Variants in LOC400499 observed in about 807,000 individuals in gnomAD.
chr16:11,413,031 C>A, the LOC400499 span: 1 of 398,238 alleles, frequency 2.5e-6, no homozygotes, highest in South Asian at 1.3e-4. Context: ...GGACCCCAGC[C>A]GAGCTCTATA....
At chr16:11,513,470 C>T in the LOC400499 span, among the ~76,000 whole-genome samples, 21 of 151,666 alleles carry the variant, frequency 1.4e-4, no homozygotes, top group African/African-American at 3.6e-4. Context: ...CTTACTCTAT[C>T]GCCCAGGCTG....
chr16:11,394,031 C>G, the LOC400499 span, among the ~76,000 whole-genome samples: 1 of 152,226 alleles, frequency 6.6e-6, no homozygotes, highest in Non-Finnish European at 1.5e-5. Context: ...GAGATGGCTG[C>G]TGCCCAGGCC....
At chr16:11,390,629 T>A in the LOC400499 span, among the ~76,000 whole-genome samples, 1 of 151,424 alleles carries the variant, frequency 6.6e-6, no homozygotes, top group Non-Finnish European at 1.5e-5. Context: ...TGCAGGGGAG[T>A]TGTCACAGCA....
chr16:11,513,914 C>T, the LOC400499 span, among the ~76,000 whole-genome samples: 1 of 152,130 alleles, frequency 6.6e-6, no homozygotes, highest in African/African-American at 2.4e-5. Flanking sequence ...GGTTTCCAAA[C>T]ATGGAAAAGC....
At chr16:11,397,467 G>C in the LOC400499 span, among the ~76,000 whole-genome samples, 1 of 152,076 alleles carries the variant, frequency 6.6e-6, no homozygotes, top group African/African-American at 2.4e-5. Flanking sequence ...TAGAGAAGAG[G>C]TTTCACCATG....
chr16:11,478,216 C>G, the LOC400499 span, among the ~76,000 whole-genome samples: 1 of 150,452 alleles, frequency 6.6e-6, no homozygotes, highest in Non-Finnish European at 1.5e-5. Flanking sequence ...TCAGTAGAGA[C>G]AGGGTTTCGC....
chr16:11,401,494 G>A, the LOC400499 span: 91 of 399,002 alleles, frequency 2.3e-4, no homozygotes, highest in East Asian at 2.1e-3. Flanking sequence ...CTCCATCGAG[G>A]TCAAGGCTGC....
At chr16:11,479,603 A>T in the LOC400499 span, among the ~76,000 whole-genome samples, 1 of 152,134 alleles carries the variant, frequency 6.6e-6, no homozygotes, top group Non-Finnish European at 1.5e-5. Flanking sequence ...AGCCTGGACA[A>T]CAGACAGAGC....
At chr16:11,518,344 G>A in the LOC400499 span, among the ~76,000 whole-genome samples, 1 of 152,176 alleles carries the variant, frequency 6.6e-6, no homozygotes, top group Non-Finnish European at 1.5e-5. Flanking sequence ...AGGCCACCGA[G>A]GCCCTGTCAG....
At chr16:11,449,337 T>C in the LOC400499 span, among the ~76,000 whole-genome samples, 8 of 152,264 alleles carry the variant, frequency 5.3e-5, no homozygotes, top group Admixed American at 3.9e-4. Flanking sequence ...TGAGCAGAAA[T>C]AATTTCCTTT....
the LOC400499 span, among the ~76,000 whole-genome samples, chr16:11,498,619 C>G: frequency 6.6e-6 from 1 of 152,138 alleles, no homozygotes; most frequent in Admixed American, 6.5e-5. Context: ...TTCACGAACC[C>G]GGTGCATTCC....
At chr16:11,481,936 A>G in the LOC400499 span, among the ~76,000 whole-genome samples, 1 of 152,156 alleles carries the variant, frequency 6.6e-6, no homozygotes, top group South Asian at 2.1e-4. Flanking sequence ...TGCCCGGCCA[A>G]TTGCTCACGT....
the LOC400499 span, chr16:11,412,742 G>A: frequency 2.5e-6 from 1 of 397,042 alleles, no homozygotes; most frequent in Non-Finnish European, 4.4e-6. Flanking sequence ...GCAGTGCTGA[G>A]CAGAGAATTG....
chr16:11,488,539 C>G, the LOC400499 span, among the ~76,000 whole-genome samples: 3 of 152,130 alleles, frequency 2.0e-5, no homozygotes, highest in Admixed American at 2.0e-4. Flanking sequence ...CCTGCCTCAG[C>G]CTCCCAAAGT....
chr16:11,394,957 G>A, the LOC400499 span, among the ~76,000 whole-genome samples: 1 of 152,362 alleles, frequency 6.6e-6, no homozygotes, highest in East Asian at 1.9e-4. Flanking sequence ...GTAGTCCTAG[G>A]AATCGAATGC....
At chr16:11,489,406 C>G in the LOC400499 span, among the ~76,000 whole-genome samples, 16 of 152,274 alleles carry the variant, frequency 1.1e-4, no homozygotes, top group East Asian at 3.1e-3. Flanking sequence ...CCTAAAAAGA[C>G]TAAGCACATT....
chr16:11,491,135 C>T, the LOC400499 span, among the ~76,000 whole-genome samples: 1 of 152,192 alleles, frequency 6.6e-6, no homozygotes, highest in Non-Finnish European at 1.5e-5. Flanking sequence ...GGTTTACTTA[C>T]TTGTCTAAAG....
At chr16:11,383,926 A>G in the LOC400499 span, 2 of 1,231,768 alleles carry the variant, frequency 1.6e-6, no homozygotes, top group African/African-American at 1.6e-5. Context: ...GGGGCCCTCG[A>G]AGAAGGCCCA....
At chr16:11,437,375 G>C in the LOC400499 span, among the ~76,000 whole-genome samples, 1 of 152,166 alleles carries the variant, frequency 6.6e-6, no homozygotes, top group African/African-American at 2.4e-5. Context: ...CTGAACAACA[G>C]AGCAATACCC....
Sources: allele counts gnomAD v4.1 joint callset (sites outside exome capture counted in the v4.1 genomes callset), GRCh38; gene constraint gnomAD v4.1.1; transcripts MANE v1.5.